The following RRP15 variants were observed in gnomAD, a reference collection of about 807,000 sequenced individuals.
The protein encoded by RRP15 is ribosomal RNA processing 15 homolog, also known as RRP15-like protein.
A neutral mutation model predicts 27.1 loss-of-function variants in RRP15; 18 were observed. The observed-to-expected ratio is 0.66, with a 90% CI of 0.46 to 0.98. The LOEUF is 0.98. Ranked by LOEUF, RRP15 falls within the 50% of genes least tolerant of loss-of-function variation. RRP15 has a pLI of 0.00. For synonymous variants in RRP15, 107 were observed against 109.4 expected (o/e 0.98, Z 0.14); for missense variants, 359 against 337.8 (o/e 1.06, Z -0.49).
chr1:218,328,489 C>T (rs1418841885), intron 4 of RRP15, among the ~76,000 whole-genome samples: 1 of 151,992 alleles, frequency 6.6e-6, no homozygotes, highest in Non-Finnish European at 1.5e-5. Flanking sequence ...GGTGAAACCC[C>T]ATCTCTACTA....
chr1:218,301,502 CT>C (rs1655810447), intron 1 of RRP15: 2 of 152,226 alleles, frequency 1.3e-5, no homozygotes, highest in Admixed American at 1.3e-4. Flanking sequence ...ACTATTGTTT[CT>C]GCTAATCTTC....
Position 218,336,259 on chromosome 1 carries a change from C to CACAT in RRP15, c.*5171_*5172insTACA, listed in dbSNP as rs1054866154. 1.3e-5 allele frequency: 2 copies of CACAT among 152,570 alleles called. No individual in the cohort carries two copies. The highest frequency in any genetic ancestry group is 4.8e-5 in the African/African-American group (2 of 41,404). The allele number at this position is 152,570 out of a possible 1,614,324, so 9.5% of individuals were successfully genotyped here. On this transcript the variant is annotated 3_prime_UTR_variant, in exon 5 of 5. Coordinates refer to ENST00000366932, the MANE Select transcript of RRP15 (RefSeq NM_016052.4). ...TGCAGATTCAGGCAAAACACACACA[C>CACAT]ACACACACACAAAACCCTGAAGAGC...
At chr1:218,308,671 T>C (rs1390197999) in intron 4 of RRP15, among the ~76,000 whole-genome samples, 4 of 152,210 alleles carry the variant, frequency 2.6e-5, no homozygotes, top group African/African-American at 9.6e-5. Flanking sequence ...TTTACCTAAG[T>C]GACAAAAGTT....
intron 4 of RRP15, among the ~76,000 whole-genome samples, chr1:218,319,136 C>G (rs1656136349): frequency 6.6e-6 from 1 of 151,752 alleles, no homozygotes; most frequent in Non-Finnish European, 1.5e-5. Flanking sequence ...CTCGGCTCGG[C>G]TCACTGCAAC....
At chr1:218,315,459 A>G (rs1170449182) in intron 4 of RRP15, among the ~76,000 whole-genome samples, 24 of 151,776 alleles carry the variant, frequency 1.6e-4, no homozygotes, top group Non-Finnish European at 2.8e-4. Context: ...GCAGGATCTC[A>G]CTCTGTCGCC....
intron 4 of RRP15, among the ~76,000 whole-genome samples, chr1:218,316,393 TA>T (rs1656090480): frequency 1.3e-5 from 2 of 152,314 alleles, no homozygotes; most frequent in East Asian, 3.9e-4. Flanking sequence ...ATTTGACTTT[TA>T]AAAATGCATT....
rs575678676 is a variant in RRP15 at position 218,327,869 on chromosome 1, T to C, written c.706-3079T>C. 2.0e-5 allele frequency among the ~76,000 whole-genome samples: 3 copies of C among 152,364 alleles called. No homozygotes were observed. In the South Asian group the frequency reaches 6.2e-4, roughly 32 times the overall value. On this transcript the variant is annotated intron_variant, in intron 4 of 4. Transcript: ENST00000366932. ...TTTCCCTCTCAGCCATAAAGTGTAC[T>C]TGGTCTTATAGCAGTGAACAAAAAC...
chr1:218,302,485 A>C lies in RRP15; in HGVS notation c.331A>C (p.Ile111Leu). Residue 111 changes from isoleucine to leucine, a missense_variant, in exon 2 of 5, where the codon ATT becomes CTT. Coordinates refer to ENST00000366932, the MANE Select transcript of RRP15 (RefSeq NM_016052.4). ...GAAAACTCCTGAAAGTAAACCTACTATTCTGGTCAAAAATAAGAAGCTGGA... is the reference window on the plus strand; with the variant it reads ...GAAAACTCCTGAAAGTAAACCTACTCTTCTGGTCAAAAATAAGAAGCTGGA... ...NKKTPESKPTILVKNKKLEKE... is the reference protein window; with the variant it reads ...NKKTPESKPTLLVKNKKLEKE... The C allele has an allele frequency of 1.9e-6, 3 of 1,614,158 alleles. No homozygotes were observed. Among genetic ancestry groups the C allele is most frequent in the Non-Finnish European group, 2.5e-6 (3 of 1,180,008 alleles).
chr1:218,311,092 A>G lies in RRP15; in HGVS notation c.705+3460A>G, dbSNP rs73108387. On this transcript the variant is annotated intron_variant, in intron 4 of 4. Transcript: ENST00000366932. ...AGAGTCTTTTCTGCATTAGAATTTT[A>G]TTATCAAAGCAATAGGAGCACAGTA... Among the ~76,000 whole-genome samples the G allele has an allele frequency of 8.4e-3, 1,283 of 152,274 alleles. 20 individuals carry two copies. Among genetic ancestry groups the G allele is most frequent in the African/African-American group, 0.03 (1,229 of 41,550 alleles).
chr1:218,318,512 G>C (rs1656124678), intron 4 of RRP15, among the ~76,000 whole-genome samples: 1 of 152,064 alleles, frequency 6.6e-6, no homozygotes, highest in South Asian at 2.1e-4. Context: ...GAATTTGTCT[G>C]ATTACTTCAT....
chr1:218,336,157 A>G lies in RRP15; in HGVS notation c.*5066A>G, dbSNP rs976869964. On this transcript the variant is annotated 3_prime_UTR_variant, in exon 5 of 5. Transcript: ENST00000366932. ...GGAGGTTTCCTAAGTAAGTGTATTT[A>G]GTTGTAGGACCTTAGAGTTGCCTAG... 2 of 152,132 alleles carry G rather than the reference A, an allele frequency of 1.3e-5. No individual in the cohort carries two copies. Among genetic ancestry groups the G allele is most frequent in the African/African-American group, 4.8e-5 (2 of 41,394 alleles). 9.4% of individuals were successfully genotyped at this position (152,132 alleles called of 1,614,324 possible). A position where few individuals can be genotyped will look rare whatever the true frequency, so the allele number is the denominator to read the frequency against.
chr1:218,320,062 A>C (rs1047664819), intron 4 of RRP15, among the ~76,000 whole-genome samples: 23 of 73,792 alleles, frequency 3.1e-4, no homozygotes, highest in African/African-American at 5.8e-4. Flanking sequence ...TTTTTCTTTT[A>C]TTTTATTATT....
At chr1:218,325,531 T>G (rs1369445205) in intron 4 of RRP15, among the ~76,000 whole-genome samples, 4 of 152,234 alleles carry the variant, frequency 2.6e-5, no homozygotes, top group Admixed American at 6.5e-5. Context: ...ATTTTGAAAG[T>G]ATTTGTCTAT....
intron 4 of RRP15, among the ~76,000 whole-genome samples, chr1:218,326,840 G>A (rs1656281404): frequency 6.6e-6 from 1 of 152,184 alleles, no homozygotes; most frequent in Admixed American, 6.5e-5. Flanking sequence ...CCAGGTTATT[G>A]TGGAATGGGA....
At chr1:218,327,335 G>T (rs1656288998) in intron 4 of RRP15, among the ~76,000 whole-genome samples, 1 of 152,112 alleles carries the variant, frequency 6.6e-6, no homozygotes, top group South Asian at 2.1e-4. Flanking sequence ...TTGAGACAGA[G>T]TCTTACTCCG....
chr1:218,295,620 G>A lies in RRP15; in HGVS notation c.140-6674G>A, dbSNP rs11802635. 9.3e-3 allele frequency among the ~76,000 whole-genome samples: 1,409 copies of A among 152,216 alleles called. 21 individuals are homozygous for A. The highest frequency in any genetic ancestry group is 0.03 in the African/African-American group (1,227 of 41,520). On this transcript the variant is annotated intron_variant, in intron 1 of 4. Transcript: ENST00000366932. Reference sequence around the variant, plus strand: ...TGTATTTAAGATATAATAACCTAGTGGATAAATGTGCTTTTCATCAAACTG... The same window carrying A: ...TGTATTTAAGATATAATAACCTAGTAGATAAATGTGCTTTTCATCAAACTG...
chr1:218,328,532 A>G (rs1459932230), intron 4 of RRP15, among the ~76,000 whole-genome samples: 4 of 152,090 alleles, frequency 2.6e-5, no homozygotes, highest in African/African-American at 4.8e-5. Flanking sequence ...GCATGGTGGC[A>G]GGTGCCTATA....
chr1:218,298,003 G>A (rs1655747743), intron 1 of RRP15, among the ~76,000 whole-genome samples: 2 of 152,032 alleles, frequency 1.3e-5, no homozygotes, highest in South Asian at 4.1e-4. Flanking sequence ...TCTCAACTTG[G>A]TGTCATTTTA....
At chr1:218,306,056 A>G (rs1655894301) in intron 3 of RRP15, among the ~76,000 whole-genome samples, 1 of 152,176 alleles carries the variant, frequency 6.6e-6, no homozygotes, top group Non-Finnish European at 1.5e-5. Flanking sequence ...TCAGTACATG[A>G]GAGTGAGTGC....
Sources: gnomAD v4.1 joint callset for allele counts (sites outside exome capture counted in the v4.1 genomes callset) on GRCh38, gnomAD v4.1.1 for gene constraint, MANE v1.5 for transcripts, NCBI Gene and HGNC (gene_info 2026-07-23, HGNC 2026-07-21) for gene names.